Variants in FNIP1 observed in about 807,000 individuals in gnomAD.
The protein encoded by FNIP1 is folliculin interacting protein 1, also known as folliculin-interacting protein 1.
In FNIP1, 40 loss-of-function variants were observed where a neutral mutation model predicts 124.5. The ratio of observed to expected loss-of-function variants is 0.32; its 90% confidence interval spans 0.25 to 0.42. FNIP1 has a LOEUF of 0.42. Ranked by LOEUF, FNIP1 falls within the 10% of genes least tolerant of loss-of-function variation. The pLI is 1.00. For missense variants in FNIP1, 1,176 were observed against 1,403.7 expected (o/e 0.84, Z 2.59); for synonymous variants, 472 against 470.6 (o/e 1.00, Z -0.04).
chr5:131,789,934 A>C (rs1463366697), intron 1 of FNIP1, among the ~76,000 whole-genome samples: 1 of 152,226 alleles, frequency 6.6e-6, no homozygotes, highest in Non-Finnish European at 1.5e-5. Flanking sequence ...ACACAAACTC[A>C]TATCTGCAAT....
At chr5:131,697,001 T>TA (rs1482859467) in intron 11 of FNIP1, among the ~76,000 whole-genome samples, 1 of 152,142 alleles carries the variant, frequency 6.6e-6, no homozygotes, top group Non-Finnish European at 1.5e-5. Flanking sequence ...AGCTCAGTTT[T>TA]AAAAATGTTT....
intron 13 of FNIP1, among the ~76,000 whole-genome samples, chr5:131,673,329 T>C (rs1767823440): frequency 1.3e-5 from 2 of 152,108 alleles, no homozygotes; most frequent in Admixed American, 1.3e-4. Context: ...GTGCTGGGAT[T>C]ACAGGCGTGA....
chr5:131,722,076 A>C (rs1483724350), intron 3 of FNIP1, among the ~76,000 whole-genome samples: 1 of 152,194 alleles, frequency 6.6e-6, no homozygotes, highest in Non-Finnish European at 1.5e-5. Flanking sequence ...ATTTAGAATA[A>C]TTTTTATACT....
intron 1 of FNIP1, among the ~76,000 whole-genome samples, chr5:131,787,605 G>A (rs1772260218): frequency 1.3e-5 from 2 of 152,068 alleles, no homozygotes; most frequent in South Asian, 4.1e-4. Flanking sequence ...CGTGACATGG[G>A]GTAAGATACT....
In FNIP1 at chr5:131,677,856, T is replaced by C. The variant is rs1767956697; in HGVS notation, c.1366A>G (p.Ile456Val). 6.8e-6 allele frequency: 11 copies of C among 1,613,670 alleles called. No individual in the cohort carries two copies. The highest frequency in any genetic ancestry group is 1.3e-5 in the African/African-American group (1 of 74,906). ...AGATGATTGGTCAGAACTGCAGTAA[T>C]GAGAGCTGGCAAGAATCTGAAAACA... ...ASKNQFLPALITAVLTNHLAW... is the reference protein window; with the variant it reads ...ASKNQFLPALVTAVLTNHLAW... Residue 456 changes from isoleucine (I) to valine (V), a missense_variant, in exon 13 of 18, where the codon ATT becomes GTT. Transcript: ENST00000510461.
chr5:131,759,924 C>G (rs1340374521), intron 1 of FNIP1, among the ~76,000 whole-genome samples: 3 of 152,184 alleles, frequency 2.0e-5, no homozygotes, highest in Non-Finnish European at 4.4e-5. Context: ...AGAATGAAAT[C>G]ATGTCCTTTG....
chr5:131,736,845 A>G (rs1048695896), intron 2 of FNIP1, among the ~76,000 whole-genome samples: 8 of 152,176 alleles, frequency 5.3e-5, no homozygotes, highest in African/African-American at 1.4e-4. Context: ...AAGAATGTTC[A>G]TATTTTTAGG....
Position 131,672,345 on chromosome 5 carries a change from T to C in FNIP1, c.2099A>G (p.Glu700Gly), listed in dbSNP as rs768455574. 8.7e-6 allele frequency: 14 copies of C among 1,614,090 alleles called. No homozygotes were observed. In the African/African-American group the frequency reaches 1.9e-4, roughly 22 times the overall value. The change falls in exon 14 of 18, where the codon GAG (glutamate) becomes GGG (glycine). Residue 700 changes from glutamate (E) to glycine (G), a missense_variant. Glu to Gly is a moderately conservative substitution (Grantham distance 98, BLOSUM62 -2). Coordinates refer to ENST00000510461, the MANE Select transcript of FNIP1 (RefSeq NM_133372.3). ...DKCALSESGL[E>G]STEETWQSEK... ...ACTCTGCCATGTTTCCTCTGTTGAC[T>C]CTAAGCCTGACTCTGACAATGCACA...
intron 1 of FNIP1, among the ~76,000 whole-genome samples, chr5:131,745,459 A>G (rs1382596000): frequency 6.6e-6 from 1 of 152,126 alleles, no homozygotes; most frequent in Non-Finnish European, 1.5e-5. Flanking sequence ...GGTCGGGGCT[A>G]TAGCAAGCTG....
intron 6 of FNIP1, among the ~76,000 whole-genome samples, chr5:131,715,064 C>T (rs1438222598): frequency 6.6e-6 from 1 of 152,188 alleles, no homozygotes; most frequent in Non-Finnish European, 1.5e-5. Flanking sequence ...GTAAATGTTG[C>T]TCATTATTTA....
chr5:131,707,718 G>A (rs774821050), intron 8 of FNIP1, among the ~76,000 whole-genome samples: 53 of 151,776 alleles, frequency 3.5e-4, no homozygotes, highest in Non-Finnish European at 6.9e-4. Flanking sequence ...CCTAAGTTTG[G>A]AAAAAATACA....
At chr5:131,741,720 T>C (rs574061455) in intron 2 of FNIP1, among the ~76,000 whole-genome samples, 135 of 152,312 alleles carry the variant, frequency 8.9e-4, no homozygotes, top group African/African-American at 3.2e-3. Context: ...GCCATGTGTC[T>C]TACACATTTA....
chr5:131,674,838 T>C (rs1327459550), intron 13 of FNIP1, among the ~76,000 whole-genome samples: 1 of 152,196 alleles, frequency 6.6e-6, no homozygotes, highest in Admixed American at 6.5e-5. Context: ...CCCTCACACT[T>C]TTTAAAGGAA....
chr5:131,775,202 T>G (rs1458347720), intron 1 of FNIP1, among the ~76,000 whole-genome samples: 2 of 152,170 alleles, frequency 1.3e-5, no homozygotes, highest in Non-Finnish European at 1.5e-5. Context: ...AAATAAGATA[T>G]GAGACAGCAA....
At position 131,742,098 on chromosome 5, in the gene FNIP1, C is replaced by G. The variant is rs912866069; in HGVS notation, c.219+2466G>C. ...ATTTTGCAAGGCTCACATTCTAAAG[C>G]TTGACTTTCTGTTTATAACTCATGG... is the stretch of plus-strand genomic sequence containing the variant. On this transcript the variant is annotated intron_variant, in intron 2 of 17. Transcript: ENST00000510461. 9.2e-5 allele frequency among the ~76,000 whole-genome samples: 14 copies of G among 152,094 alleles called. 1 individual carries two copies. The highest frequency in any genetic ancestry group is 2.6e-4 in the Admixed American group (4 of 15,264).
chr5:131,739,788 G>C (rs1245864438), intron 2 of FNIP1, among the ~76,000 whole-genome samples: 1 of 147,436 alleles, frequency 6.8e-6, no homozygotes, highest in Non-Finnish European at 1.5e-5. Context: ...TCTCCAGCCT[G>C]GGTGACAGAG....
chr5:131,706,426 C>T lies in FNIP1; in HGVS notation c.899G>A (p.Gly300Glu). The change falls in exon 9 of 18, where the codon GGG (glycine) becomes GAG (glutamate). Residue 300 changes from glycine to glutamate, a missense_variant. Transcript: ENST00000510461. ...TCCAACTTACCATCTAGGAAATACC[C>T]CATTTTCCAAACTTGTTGTTTGGCT... ...RRSQTTSLEN[G>E]VFPRWSIEES... The T allele has an allele frequency of 6.2e-7, 1 of 1,611,510 alleles. No homozygotes were observed. The highest frequency in any genetic ancestry group is 8.5e-7 in the Non-Finnish European group (1 of 1,178,834).
chr5:131,712,375 T>C (rs146461182), intron 6 of FNIP1, among the ~76,000 whole-genome samples: 1 of 151,842 alleles, frequency 6.6e-6, no homozygotes, highest in African/African-American at 2.4e-5. Context: ...CCTACAGCAG[T>C]TCAGCAGTTC....
At chr5:131,726,217 T>C (rs1412949867) in intron 3 of FNIP1, among the ~76,000 whole-genome samples, 1 of 152,138 alleles carries the variant, frequency 6.6e-6, no homozygotes, top group Non-Finnish European at 1.5e-5. Flanking sequence ...ATAAAATGAG[T>C]TAGGGAGGAT....
Sources: allele counts gnomAD v4.1 joint callset (sites outside exome capture counted in the v4.1 genomes callset), GRCh38; gene constraint gnomAD v4.1.1; transcripts MANE v1.5; gene names NCBI Gene and HGNC (gene_info 2026-07-23, HGNC 2026-07-21).